The following TMEM132D variants were observed in gnomAD, a reference collection of about 807,000 sequenced individuals.
TMEM132D encodes the protein mature OL transmembrane protein.
A neutral mutation model predicts 62.3 loss-of-function variants in TMEM132D; 21 were observed. That is an observed-to-expected ratio of 0.34 (90% CI 0.24 to 0.49). The LOEUF is 0.49. Among genes scored for constraint, TMEM132D ranks in the 20% least tolerant of loss-of-function variants. The pLI is 0.99. For synonymous variants in TMEM132D, 621 were observed against 575.6 expected, an observed-to-expected ratio of 1.08 and a Z score of -1.13; for missense variants, 1,346 against 1,402.8, an observed-to-expected ratio of 0.96 and a Z score of 0.65.
chr12:129,238,183 A>G (rs549848299), intron 4 of TMEM132D, among the ~76,000 whole-genome samples: 1 of 152,288 alleles, frequency 6.6e-6, no homozygotes, highest in South Asian at 2.1e-4. Flanking sequence ...ATGGGTGCAC[A>G]CAGGCAAGAC....
In TMEM132D at chr12:129,628,223, C is replaced by T. The variant is rs985764884; in HGVS notation, c.968+71587G>A. On this transcript the variant is annotated intron_variant, in intron 2 of 8. Coordinates refer to ENST00000422113, the MANE Select transcript of TMEM132D (RefSeq NM_133448.3). ...CCAGAGGACTGTGGAAAGATCATGA[C>T]TTTAGAATGTGTACTTCCAGCAATT... is the stretch of plus-strand genomic sequence containing the variant. Among the ~76,000 whole-genome samples the T allele has an allele frequency of 6.6e-5, 10 of 152,122 alleles. No homozygotes were observed. The South Asian group carries it at 1.0e-3, about 16-fold the overall frequency.
In TMEM132D at chr12:129,651,277, A is replaced by T. The variant is rs1420507684; in HGVS notation, c.968+48533T>A. On this transcript the variant is annotated intron_variant, in intron 2 of 8. Coordinates refer to ENST00000422113, the MANE Select transcript of TMEM132D (RefSeq NM_133448.3). Reference sequence around the variant, plus strand: ...CATAATATCCCTTTTTTAACTGAGCATATTCTTTTCTTTTGTGACCAAGTC... The same window carrying T: ...CATAATATCCCTTTTTTAACTGAGCTTATTCTTTTCTTTTGTGACCAAGTC... Among the ~76,000 whole-genome samples, 3 of 152,194 alleles carry T rather than the reference A, an allele frequency of 2.0e-5. No individual in the cohort carries two copies. The South Asian group carries it at 6.2e-4, about 32-fold the overall frequency.
intron 1 of TMEM132D, among the ~76,000 whole-genome samples, chr12:129,733,890 C>T (rs529954832): frequency 1.3e-5 from 2 of 152,286 alleles, no homozygotes; most frequent in East Asian, 1.9e-4. Context: ...ATGCTCCCCA[C>T]GGATGCAGAC....
intron 5 of TMEM132D, among the ~76,000 whole-genome samples, chr12:129,143,423 C>T (rs1876800604): frequency 6.6e-6 from 1 of 152,174 alleles, no homozygotes; most frequent in Non-Finnish European, 1.5e-5. Flanking sequence ...AGGAAGCTCC[C>T]TGAGCCCAGG....
intron 1 of TMEM132D, among the ~76,000 whole-genome samples, chr12:129,708,978 T>G (rs534981572): frequency 6.6e-6 from 1 of 152,046 alleles, no homozygotes; most frequent in Non-Finnish European, 1.5e-5. Context: ...CCAGAGTGAG[T>G]GTGGAAGACC....
Position 129,700,419 on chromosome 12 carries a change from G to C in TMEM132D, c.359C>G (p.Thr120Ser), listed in dbSNP as rs889536300. The change falls in exon 2 of 9, where the codon ACC becomes AGC. Residue 120 changes from threonine (T) to serine (S), a missense_variant. Coordinates refer to ENST00000422113, the MANE Select transcript of TMEM132D (RefSeq NM_133448.3). ...TTTCCAGTTAAGAGAAAATTTGTTG[G>C]TGAATCCAAATGGGTTGGAAGGTAG... ...LMLPSNPFGFTNKFSLNWKLK... is the reference protein window; with the variant it reads ...LMLPSNPFGFSNKFSLNWKLK... 1.2e-6 allele frequency: 2 copies of C among 1,614,042 alleles called. No homozygotes were observed. The highest frequency in any genetic ancestry group is 1.7e-6 in the Non-Finnish European group (2 of 1,180,048).
At chr12:129,357,157 G>C (rs151073217) in intron 3 of TMEM132D, among the ~76,000 whole-genome samples, 12,763 of 150,868 alleles carry the variant, frequency 0.085, 694 homozygotes, top group African/African-American at 0.15. Context: ...TGAGGCAGGA[G>C]AATGGCATGG....
intron 3 of TMEM132D, among the ~76,000 whole-genome samples, chr12:129,512,660 T>C (rs1453363823): frequency 2.0e-5 from 3 of 152,244 alleles, no homozygotes; most frequent in Non-Finnish European, 4.4e-5. Context: ...AACTAGGGGC[T>C]AGGTGCTCTG....
chr12:129,254,776 T>C (rs1393013282), intron 4 of TMEM132D, among the ~76,000 whole-genome samples: 1 of 152,174 alleles, frequency 6.6e-6, no homozygotes, highest in Non-Finnish European at 1.5e-5. Context: ...CATCCTCTTC[T>C]GATTTATATG....
At chr12:129,576,859 T>A (rs1388378420) in intron 2 of TMEM132D, among the ~76,000 whole-genome samples, 1 of 151,878 alleles carries the variant, frequency 6.6e-6, no homozygotes, top group Non-Finnish European at 1.5e-5. Flanking sequence ...GCTCGGAAAA[T>A]CATAAGAAAG....
At chr12:129,229,473 T>C (rs918604875) in intron 4 of TMEM132D, among the ~76,000 whole-genome samples, 4 of 152,342 alleles carry the variant, frequency 2.6e-5, no homozygotes, top group African/African-American at 9.6e-5. Flanking sequence ...ATCTGCTCTT[T>C]GAAACTGAGG....
At chr12:129,770,346 G>A (rs1173856449) in intron 1 of TMEM132D, among the ~76,000 whole-genome samples, 5 of 152,022 alleles carry the variant, frequency 3.3e-5, no homozygotes, top group African/African-American at 1.2e-4. Context: ...GTTTCACCGT[G>A]TTGGCCAGGC....
rs1387857140 is a variant in TMEM132D, at chr12:129,867,873, A to C, written c.79+35388T>G. Among the ~76,000 whole-genome samples the C allele has an allele frequency of 1.3e-5, 2 of 152,354 alleles. No homozygotes were observed. Among genetic ancestry groups the C allele is most frequent in the African/African-American group, 4.8e-5 (2 of 41,586 alleles). On this transcript the variant is annotated intron_variant, in intron 1 of 8. Transcript: ENST00000422113. This position sits in a 1 kb window ranked among gnomAD's most constrained non-coding sequence, Gnocchi z 4.5. The stretch of plus-strand genomic sequence containing the variant: ...GATGGGTTGGGGTTGCTGGAAAAGG[A>C]GCAGAAGAAACTTCTAGGGCAATGG...
At chr12:129,743,595 G>A (rs1869677211) in intron 1 of TMEM132D, among the ~76,000 whole-genome samples, 1 of 151,606 alleles carries the variant, frequency 6.6e-6, no homozygotes, top group Non-Finnish European at 1.5e-5. Flanking sequence ...AGCAGCATGA[G>A]AATGGACTAA....
intron 4 of TMEM132D, among the ~76,000 whole-genome samples, chr12:129,233,463 G>A (rs568722074): frequency 6.6e-6 from 1 of 152,158 alleles, no homozygotes; most frequent in Non-Finnish European, 1.5e-5. Context: ...ATGATAAGAT[G>A]TATTTTTGGT....
At chr12:129,676,305 A>G (rs927123433) in intron 2 of TMEM132D, among the ~76,000 whole-genome samples, 3 of 152,166 alleles carry the variant, frequency 2.0e-5, no homozygotes, top group African/African-American at 4.8e-5. Context: ...CTATCTATCT[A>G]TCTAATCTAT....
At chr12:129,849,805 A>G (rs1873483956) in intron 1 of TMEM132D, among the ~76,000 whole-genome samples, 1 of 152,210 alleles carries the variant, frequency 6.6e-6, no homozygotes, top group African/African-American at 2.4e-5. Flanking sequence ...TACACAGATA[A>G]GGGAGTTGAA....
chr12:129,118,484 C>G (rs1875961728), intron 5 of TMEM132D, among the ~76,000 whole-genome samples: 2 of 152,198 alleles, frequency 1.3e-5, no homozygotes, highest in South Asian at 4.1e-4. Flanking sequence ...TGTGTGCCTT[C>G]TGCTGTGCTA....
chr12:129,468,015 C>G (rs1184680105), intron 3 of TMEM132D, among the ~76,000 whole-genome samples: 1 of 152,160 alleles, frequency 6.6e-6, no homozygotes, highest in Non-Finnish European at 1.5e-5. Flanking sequence ...AGAGCACACA[C>G]GTGACACTTG....
Sources: gnomAD v4.1 joint callset for allele counts (sites outside exome capture counted in the v4.1 genomes callset) on GRCh38, gnomAD v4.1.1 for gene constraint, Gnocchi (gnomAD v3.1) non-coding constraint, MANE v1.5 for transcripts, NCBI Gene and HGNC (gene_info 2026-07-23, HGNC 2026-07-21) for gene names.